The following CPE variants were observed in gnomAD, a reference collection of about 807,000 sequenced individuals.
CPE encodes carboxypeptidase E, also known as carbocypeptidase E.
A neutral mutation model predicts 53.5 loss-of-function variants in CPE; 17 were observed. The ratio of observed to expected loss-of-function variants is 0.32; its 90% confidence interval spans 0.22 to 0.48. The LOEUF is 0.48. Ranked by LOEUF, CPE falls within the 20% of genes least tolerant of loss-of-function variation. The probability of loss-of-function intolerance (pLI) is 0.99; values close to 1 mark genes in which losing one functional copy is unlikely to be tolerated. For synonymous variants in CPE, 226 were observed against 228.8 expected (o/e 0.99, Z 0.11); for missense variants, 524 against 614.7 (o/e 0.85, Z 1.56).
intron 4 of CPE, among the ~76,000 whole-genome samples, chr4:165,482,781 A>G (rs1158314963): frequency 1.3e-5 from 2 of 152,176 alleles, no homozygotes; most frequent in Non-Finnish European, 2.9e-5. Flanking sequence ...TATTGTGTTG[A>G]CACAGTTTTG....
At chr4:165,380,529 A>G (rs1167264821) in intron 1 of CPE, among the ~76,000 whole-genome samples, 5 of 152,222 alleles carry the variant, frequency 3.3e-5, no homozygotes, top group African/African-American at 1.2e-4. Flanking sequence ...ATCAAGGTAC[A>G]GCTAAAGTAA....
At chr4:165,444,124 T>C (rs952713903) in intron 1 of CPE, among the ~76,000 whole-genome samples, 3 of 152,140 alleles carry the variant, frequency 2.0e-5, no homozygotes, top group Non-Finnish European at 2.9e-5. Flanking sequence ...CGTCAACATA[T>C]GAATTTTGAG....
intron 1 of CPE, among the ~76,000 whole-genome samples, chr4:165,444,555 T>C (rs1248597105): frequency 6.6e-6 from 1 of 152,132 alleles, no homozygotes; most frequent in Admixed American, 6.6e-5. Flanking sequence ...AGGTAGATCA[T>C]TGCAGCATTG....
intron 1 of CPE, among the ~76,000 whole-genome samples, chr4:165,382,943 T>G (rs1730526364): frequency 6.6e-6 from 1 of 152,236 alleles, no homozygotes; most frequent in Non-Finnish European, 1.5e-5. Context: ...ATCAGCTTGA[T>G]TGTTGACCAG....
At position 165,497,669 on chromosome 4, in the gene CPE, G is replaced by T; in HGVS notation, c.*59G>T. On this transcript the variant is annotated 3_prime_UTR_variant, in exon 9 of 9. Coordinates refer to ENST00000402744, the MANE Select transcript of CPE (RefSeq NM_001873.4). ...ATATAATGTAGTATGATGTAATGTG[G>T]TCTTTTTTTTAGATTTTGTGCAGTT... is the stretch of plus-strand genomic sequence containing the variant. 1.1e-6 allele frequency: 1 copy of T among 935,246 alleles called. No individual in the cohort carries two copies. Among genetic ancestry groups the T allele is most frequent in the East Asian group, 2.9e-5 (1 of 33,974 alleles). 57.9% of individuals were successfully genotyped at this position (935,246 alleles called of 1,614,324 possible). A position where few individuals can be genotyped will look rare whatever the true frequency, so the allele number is the denominator to read the frequency against.
At chr4:165,412,557 C>T (rs908992176) in intron 1 of CPE, among the ~76,000 whole-genome samples, 1 of 152,142 alleles carries the variant, frequency 6.6e-6, no homozygotes, top group Admixed American at 6.5e-5. Context: ...GTTACTTGCT[C>T]AGAGTTTTCA....
intron 1 of CPE, chr4:165,405,702 C>G (rs1211760593): frequency 2.4e-6 from 2 of 816,530 alleles, no homozygotes; most frequent in Non-Finnish European, 4.4e-6. Context: ...GCAGAGATTC[C>G]ACCAATTGGT....
chr4:165,394,746 T>A (rs944312608), intron 1 of CPE, among the ~76,000 whole-genome samples: 1 of 152,146 alleles, frequency 6.6e-6, no homozygotes, highest in African/African-American at 2.4e-5. Flanking sequence ...ATGTTACTTG[T>A]GCTGAAGGGG....
chr4:165,470,611 A>G (rs1732188030), intron 3 of CPE, among the ~76,000 whole-genome samples: 1 of 152,122 alleles, frequency 6.6e-6, no homozygotes, highest in South Asian at 2.1e-4. Context: ...TTATTATGTT[A>G]CAGAGGCAGT....
chr4:165,430,906 G>C (rs1358803968), intron 1 of CPE, among the ~76,000 whole-genome samples: 1 of 152,180 alleles, frequency 6.6e-6, no homozygotes, highest in Non-Finnish European at 1.5e-5. Flanking sequence ...CACCACCTCA[G>C]TATTACTGAC....
intron 1 of CPE, among the ~76,000 whole-genome samples, chr4:165,440,925 C>A (rs1230421418): frequency 2.0e-5 from 3 of 152,066 alleles, no homozygotes; most frequent in Admixed American, 1.3e-4. Flanking sequence ...AAATTCAGCT[C>A]TGACAATCTA....
chr4:165,487,648 AGAG>A, intron 6 of CPE, 71 bp downstream of exon 6: 1 of 1,540,368 alleles, frequency 6.5e-7, no homozygotes, highest in Non-Finnish European at 8.9e-7. Context: ...TGGTCTTGTA[AGAG>A]GAGTCCAGGA....
At chr4:165,462,073 T>G (rs1448656541) in intron 1 of CPE, among the ~76,000 whole-genome samples, 2 of 152,208 alleles carry the variant, frequency 1.3e-5, no homozygotes, top group African/African-American at 4.8e-5. Flanking sequence ...ATAGATATAT[T>G]GGGGGAGATT....
At chr4:165,447,323 C>T (rs916825522) in intron 1 of CPE, among the ~76,000 whole-genome samples, 24 of 152,180 alleles carry the variant, frequency 1.6e-4, no homozygotes, top group Non-Finnish European at 2.9e-4. Context: ...GTAATCCCAG[C>T]ACTTTGGGAG....
chr4:165,409,360 T>C (rs1178862372), intron 1 of CPE, among the ~76,000 whole-genome samples: 1 of 152,112 alleles, frequency 6.6e-6, no homozygotes, highest in Non-Finnish European at 1.5e-5. Flanking sequence ...TGTGCTACCA[T>C]GCCTGGCTAA....
At chr4:165,404,759 C>T in intron 1 of CPE, 1 of 787,726 alleles carries the variant, frequency 1.3e-6, no homozygotes, top group Non-Finnish European at 2.3e-6. Flanking sequence ...GATGACCTTC[C>T]CCTGCTTGAG....
intron 6 of CPE, among the ~76,000 whole-genome samples, chr4:165,489,552 G>A (rs923235345): frequency 3.9e-5 from 6 of 152,150 alleles, no homozygotes; most frequent in African/African-American, 1.4e-4. Flanking sequence ...GGACCTAACC[G>A]AGTCACGGGA....
intron 1 of CPE, among the ~76,000 whole-genome samples, chr4:165,381,978 C>G (rs13148844): frequency 0.27 from 40,844 of 151,802 alleles, 6,179 homozygotes; most frequent in Admixed American, 0.42. Context: ...CTGCACAACC[C>G]ATAGAAGATA....
chr4:165,397,061 A>C (rs1341219380), intron 1 of CPE, among the ~76,000 whole-genome samples: 2 of 152,166 alleles, frequency 1.3e-5, no homozygotes, highest in Non-Finnish European at 2.9e-5. Context: ...ACCTTGTCTC[A>C]ACAAATAATA....
Sources: allele counts gnomAD v4.1 joint callset (sites outside exome capture counted in the v4.1 genomes callset), GRCh38; gene constraint gnomAD v4.1.1; transcripts MANE v1.5; gene names NCBI Gene and HGNC (gene_info 2026-07-23, HGNC 2026-07-21).